Variants in MYO5B observed in about 807,000 individuals in gnomAD.
MYO5B encodes unconventional myosin-Vb.
Under a neutral mutation model 229.3 loss-of-function variants are expected in MYO5B, and 143 were observed. That is an observed-to-expected ratio of 0.62 (90% confidence interval 0.54 to 0.72). The LOEUF is 0.72. Among genes scored for constraint, MYO5B ranks in the 30% least tolerant of loss-of-function variants. The probability of loss-of-function intolerance (pLI) is 0.00; values close to 1 mark genes in which losing one functional copy is unlikely to be tolerated. For missense variants in MYO5B, 2,321 were observed against 2,331.0 expected, an observed-to-expected ratio of 1.00 and a Z score of 0.09; for synonymous variants, 918 against 885.2, an observed-to-expected ratio of 1.04 and a Z score of -0.66.
chr18:50,090,319 G>A (rs2031420636), intron 1 of MYO5B, among the ~76,000 whole-genome samples: 1 of 140,366 alleles, frequency 7.1e-6, no homozygotes, highest in Non-Finnish European at 1.5e-5. Context: ...CTCCAGCCTA[G>A]GTTACAGAGC....
At chr18:50,106,126 G>C (rs181236112) in intron 1 of MYO5B, among the ~76,000 whole-genome samples, 8 of 152,112 alleles carry the variant, frequency 5.3e-5, no homozygotes, top group African/African-American at 1.7e-4. Context: ...AATGCACCCT[G>C]GACATTGTCT....
At chr18:50,017,148 C>T (rs144105405) in intron 4 of MYO5B, among the ~76,000 whole-genome samples, 2,158 of 152,148 alleles carry the variant, frequency 0.014, 25 homozygotes, top group Non-Finnish European at 0.023. Flanking sequence ...GACAGGGTCT[C>T]ACTCTGTCAC....
At chr18:49,847,365 G>A in intron 32 of MYO5B, 76 bp from the exon 33 acceptor site, 4 of 1,545,292 alleles carry the variant, frequency 2.6e-6, no homozygotes, top group Admixed American at 1.9e-5. Flanking sequence ...ATCTCTGGCG[G>A]GTGGAGGATG....
chr18:50,039,238 A>G (rs1200423600), intron 3 of MYO5B, among the ~76,000 whole-genome samples: 1 of 152,184 alleles, frequency 6.6e-6, no homozygotes, highest in African/African-American at 2.4e-5. Context: ...ATAGGGTTCT[A>G]TTTTTGCTTT....
chr18:50,185,027 A>G (rs985668434), intron 1 of MYO5B, among the ~76,000 whole-genome samples: 1 of 151,984 alleles, frequency 6.6e-6, no homozygotes, highest in Non-Finnish European at 1.5e-5. Flanking sequence ...GTGAGCCATG[A>G]TTGCACCACC....
intron 1 of MYO5B, among the ~76,000 whole-genome samples, chr18:50,152,811 T>A (rs532441247): frequency 1.3e-5 from 2 of 149,850 alleles, no homozygotes; most frequent in African/African-American, 4.9e-5. Context: ...ACAAAAACTA[T>A]GATTGTATAT....
At chr18:49,866,194 G>A (rs1037570657) in intron 27 of MYO5B, among the ~76,000 whole-genome samples, 9 of 151,704 alleles carry the variant, frequency 5.9e-5, no homozygotes, top group South Asian at 4.2e-4. Context: ...TCAGCCTCCC[G>A]AGTAGCTGGG....
At chr18:49,905,006 G>A (rs16951200) in intron 19 of MYO5B, among the ~76,000 whole-genome samples, 178 bp from the exon 20 acceptor site, 2,342 of 152,308 alleles carry the variant, frequency 0.015, 44 homozygotes, top group African/African-American at 0.05. Flanking sequence ...GGCATTTGAC[G>A]TTGTGGCTAG....
chr18:50,124,406 ACT>A (rs1251952374), intron 1 of MYO5B, among the ~76,000 whole-genome samples: 13 of 151,788 alleles, frequency 8.6e-5, no homozygotes, highest in Admixed American at 5.9e-4. Context: ...TGGTCCCATC[ACT>A]CTCCTTCAAC....
intron 1 of MYO5B, among the ~76,000 whole-genome samples, chr18:50,155,426 A>G (rs1034697503): frequency 6.6e-6 from 1 of 152,238 alleles, no homozygotes; most frequent in African/African-American, 2.4e-5. Context: ...TATCTTGGTA[A>G]TCCTTGAGTA....
At chr18:50,064,357 G>T (rs1485327121) in intron 1 of MYO5B, 1 of 152,164 alleles carries the variant, frequency 6.6e-6, no homozygotes, top group Non-Finnish European at 1.5e-5. Context: ...AGCTAAAAAA[G>T]ATTTCCTCAA....
intron 30 of MYO5B, among the ~76,000 whole-genome samples, chr18:49,854,022 C>T (rs541021491): frequency 7.2e-5 from 11 of 152,316 alleles, no homozygotes; most frequent in African/African-American, 2.6e-4. Flanking sequence ...TCTACATCTG[C>T]CCCAAAGTTC....
At chr18:50,190,565 G>C (rs1304922893) in intron 1 of MYO5B, among the ~76,000 whole-genome samples, 3 of 152,178 alleles carry the variant, frequency 2.0e-5, no homozygotes, top group Admixed American at 2.0e-4. Context: ...GTGAGGTGTT[G>C]GGTCTTCTGA....
intron 2 of MYO5B, among the ~76,000 whole-genome samples, chr18:50,053,641 T>C (rs2030463205): frequency 1.3e-5 from 2 of 148,526 alleles, no homozygotes; most frequent in South Asian, 4.4e-4. Flanking sequence ...AGCTGCCTAC[T>C]AGGAAGAGGA....
At chr18:50,124,325 A>G (rs1790445) in intron 1 of MYO5B, among the ~76,000 whole-genome samples, 124,722 of 152,130 alleles carry the variant, frequency 0.82, 51,446 homozygotes, top group Admixed American at 0.87. Flanking sequence ...CATTTTCCTC[A>G]ACATGTGGCT....
intron 1 of MYO5B, among the ~76,000 whole-genome samples, chr18:50,173,748 G>A (rs1009856073): frequency 2.6e-5 from 4 of 152,144 alleles, no homozygotes; most frequent in African/African-American, 7.2e-5. Context: ...GAGCTGGGGG[G>A]AGAAACAGGA....
intron 3 of MYO5B, among the ~76,000 whole-genome samples, chr18:50,039,416 C>G (rs2029936285): frequency 6.6e-6 from 1 of 152,108 alleles, no homozygotes; most frequent in African/African-American, 2.4e-5. Context: ...ACTGCAAGCT[C>G]CGACTCCCCG....
intron 17 of MYO5B, among the ~76,000 whole-genome samples, chr18:49,918,723 C>G (rs2025043960): frequency 6.6e-6 from 1 of 152,206 alleles, no homozygotes; most frequent in Admixed American, 6.5e-5. Context: ...GCATACCTAC[C>G]AGGACCAACA....
At chr18:49,988,422 G>C (rs2025894864) in intron 7 of MYO5B, among the ~76,000 whole-genome samples, 1 of 152,108 alleles carries the variant, frequency 6.6e-6, no homozygotes, top group Admixed American at 6.5e-5. Flanking sequence ...AAAAAATACT[G>C]ATCAAATTGG....
Sources: allele counts gnomAD v4.1 joint callset (sites outside exome capture counted in the v4.1 genomes callset), GRCh38; gene constraint gnomAD v4.1.1; transcripts MANE v1.5; gene names NCBI Gene and HGNC (gene_info 2026-07-23, HGNC 2026-07-21).